ANKS1B: variants seen among roughly 807,000 people sequenced by gnomAD.
ANKS1B encodes ankyrin repeat and sterile alpha motif domain containing 1B, also known as ankyrin repeat and sterile alpha motif domain-containing protein 1B.
In ANKS1B, 36 loss-of-function variants were observed where a neutral mutation model predicts 148.3. The ratio of observed to expected loss-of-function variants is 0.24; its 90% CI spans 0.19 to 0.32. The LOEUF is 0.32. Ranked by LOEUF, ANKS1B falls within the 10% of genes least tolerant of loss-of-function variation. The pLI is 1.00. For missense variants in ANKS1B, 1,157 were observed against 1,542.6 expected, an observed-to-expected ratio of 0.75 and a Z score of 4.19; for synonymous variants, 542 against 560.8, an observed-to-expected ratio of 0.97 and a Z score of 0.47.
At chr12:98,785,812 C>T (rs139531658) in intron 22 of ANKS1B, among the ~76,000 whole-genome samples, 141 of 152,296 alleles carry the variant, frequency 9.3e-4, no homozygotes, top group African/African-American at 2.9e-3. Flanking sequence ...ATAATTAATA[C>T]TCCCATATGT....
chr12:99,764,556 G>C (rs2153611998), intron 8 of ANKS1B, among the ~76,000 whole-genome samples: 1 of 152,188 alleles, frequency 6.6e-6, no homozygotes, highest in African/African-American at 2.4e-5. Context: ...CTGAGTAGCT[G>C]GGATGACAGG....
intron 17 of ANKS1B, among the ~76,000 whole-genome samples, chr12:98,843,622 G>A (rs1224960335): frequency 2.6e-5 from 4 of 152,194 alleles, no homozygotes; most frequent in African/African-American, 9.6e-5. Context: ...AGCCCATGAA[G>A]AGTCAATGAA....
chr12:98,822,127 A>G (rs1321974454), intron 19 of ANKS1B, among the ~76,000 whole-genome samples: 2 of 151,912 alleles, frequency 1.3e-5, no homozygotes, highest in Non-Finnish European at 2.9e-5. Context: ...TTTTCTGCTT[A>G]AGCCATCTTG....
chr12:99,000,373 A>G (rs1216425252), intron 17 of ANKS1B, among the ~76,000 whole-genome samples: 1 of 150,154 alleles, frequency 6.7e-6, no homozygotes, highest in Non-Finnish European at 1.5e-5. Context: ...GGTTCAAGCA[A>G]TTCTCTTGCC....
At chr12:99,124,297 A>T (rs2063698423) in intron 15 of ANKS1B, among the ~76,000 whole-genome samples, 1 of 152,198 alleles carries the variant, frequency 6.6e-6, no homozygotes. Context: ...AGGTAGTGCC[A>T]GTGGGATTTG....
Position 98,757,074 on chromosome 12 carries a change from T to C in ANKS1B, c.3580-5552A>G, listed in dbSNP as rs1280061995. On this transcript the variant is annotated intron_variant, in intron 25 of 26. Coordinates refer to ENST00000683438, the MANE Select transcript of ANKS1B (RefSeq NM_001352186.2). The stretch of plus-strand genomic sequence containing the variant: ...AAAGGAAAAAAAAAAAAGTTCTTGC[T>C]ATCCTGAGATCATCATGCTATGAGA... Among the ~76,000 whole-genome samples, 2 of 151,754 alleles carry C rather than the reference T, an allele frequency of 1.3e-5. 1 individual carries two copies. Among genetic ancestry groups the C allele is most frequent in the Non-Finnish European group, 2.9e-5 (2 of 67,982 alleles).
At chr12:98,942,105 G>A (rs903481978) in intron 17 of ANKS1B, among the ~76,000 whole-genome samples, 29 of 151,986 alleles carry the variant, frequency 1.9e-4, no homozygotes, top group Middle Eastern at 3.2e-3. Context: ...GCCGGGCATG[G>A]TGGTATGTGC....
At chr12:99,185,131 G>A (rs2079646140) in intron 14 of ANKS1B, among the ~76,000 whole-genome samples, 2 of 152,144 alleles carry the variant, frequency 1.3e-5, no homozygotes, top group South Asian at 4.1e-4. Flanking sequence ...CACACAATGT[G>A]CACCATAACA....
chr12:98,833,700 T>C (rs2099345201), intron 17 of ANKS1B, among the ~76,000 whole-genome samples: 2 of 152,170 alleles, frequency 1.3e-5, no homozygotes, highest in Admixed American at 6.5e-5. Context: ...CACCAGGTAG[T>C]ATGCATAGTA....
At chr12:99,217,849 T>G (rs1445321556) in intron 14 of ANKS1B, among the ~76,000 whole-genome samples, 2 of 152,152 alleles carry the variant, frequency 1.3e-5, no homozygotes, top group Non-Finnish European at 2.9e-5. Context: ...TTATTCCCCT[T>G]ATACAGATGA....
At chr12:99,605,367 A>G (rs2097844383) in intron 9 of ANKS1B, among the ~76,000 whole-genome samples, 1 of 151,962 alleles carries the variant, frequency 6.6e-6, no homozygotes, top group South Asian at 2.1e-4. Flanking sequence ...CTATTTTCAA[A>G]TATATAATAC....
chr12:99,103,233 A>G, intron 15 of ANKS1B, among the ~76,000 whole-genome samples: 1 of 152,136 alleles, frequency 6.6e-6, no homozygotes, highest in African/African-American at 2.4e-5. Flanking sequence ...GGTCAATGCC[A>G]CTGTGTCAAT....
intron 1 of ANKS1B, among the ~76,000 whole-genome samples, chr12:99,958,533 C>T (rs959376639): frequency 2.6e-5 from 4 of 152,118 alleles, no homozygotes; most frequent in Non-Finnish European, 4.4e-5. Context: ...CGGGCATGCA[C>T]CACCATGCCT....
intron 10 of ANKS1B, among the ~76,000 whole-genome samples, chr12:99,494,812 G>A (rs964942725): frequency 1.3e-5 from 2 of 151,470 alleles, no homozygotes; most frequent in Admixed American, 1.3e-4. Context: ...AATTCCTGAG[G>A]AGGAAAAGAC....
chr12:99,191,498 T>C (rs942564224), intron 14 of ANKS1B, among the ~76,000 whole-genome samples: 2 of 152,174 alleles, frequency 1.3e-5, no homozygotes, highest in African/African-American at 4.8e-5. Flanking sequence ...ATATACACCA[T>C]GTAATACTAT....
chr12:99,965,374 A>G (rs941617368), intron 1 of ANKS1B, among the ~76,000 whole-genome samples: 2 of 152,210 alleles, frequency 1.3e-5, no homozygotes, highest in Non-Finnish European at 2.9e-5. Flanking sequence ...ACAGCAAACC[A>G]TGAGTCCACA....
At chr12:99,784,871 A>C (rs1021871497) in intron 4 of ANKS1B, among the ~76,000 whole-genome samples, 1 of 152,196 alleles carries the variant, frequency 6.6e-6, no homozygotes, top group Non-Finnish European at 1.5e-5. Context: ...GTTCCACATC[A>C]ATCTATATTT....
intron 17 of ANKS1B, among the ~76,000 whole-genome samples, chr12:98,903,924 T>C (rs1454653070): frequency 6.6e-6 from 1 of 152,174 alleles, no homozygotes; most frequent in African/African-American, 2.4e-5. Context: ...AAATTTTTTC[T>C]TATATCAAGT....
intron 8 of ANKS1B, among the ~76,000 whole-genome samples, chr12:99,699,919 T>A (rs1188986179): frequency 6.6e-6 from 1 of 152,178 alleles, no homozygotes; most frequent in Non-Finnish European, 1.5e-5. Flanking sequence ...CTTTTAAATA[T>A]GGATTACAAA....
Sources: allele counts gnomAD v4.1 joint callset (sites outside exome capture counted in the v4.1 genomes callset), GRCh38; gene constraint gnomAD v4.1.1; transcripts MANE v1.5; gene names NCBI Gene and HGNC (gene_info 2026-07-23, HGNC 2026-07-21).